Variants in SMOX observed in about 807,000 individuals in gnomAD.
The protein encoded by SMOX is spermine oxidase, also known as flavin containing amine oxidase.
Under a neutral mutation model 51.0 loss-of-function variants are expected in SMOX, and 22 were observed. The observed-to-expected ratio is 0.43, with a 90% CI of 0.31 to 0.62. SMOX has a LOEUF of 0.62. SMOX is among the 20% of genes least tolerant of loss of function. The pLI is 0.10. For missense variants in SMOX, 566 were observed against 777.7 expected, an observed-to-expected ratio of 0.73 and a Z score of 3.24; for synonymous variants, 282 against 307.8, an observed-to-expected ratio of 0.92 and a Z score of 0.88.
chr20:4,157,739 G>T (rs1986081889), intron 1 of SMOX, among the ~76,000 whole-genome samples: 1 of 152,006 alleles, frequency 6.6e-6, no homozygotes, highest in Non-Finnish European at 1.5e-5. Flanking sequence ...TCATGGACAT[G>T]AAGCTGGGGG....
intron 1 of SMOX, among the ~76,000 whole-genome samples, chr20:4,164,376 C>G (rs552574174): frequency 6.6e-6 from 1 of 152,192 alleles, no homozygotes; most frequent in Non-Finnish European, 1.5e-5. Flanking sequence ...GATAAGCCAT[C>G]TGCATGCGTT....
intron 1 of SMOX, among the ~76,000 whole-genome samples, chr20:4,173,700 C>T (rs564774384): frequency 6.6e-6 from 1 of 152,210 alleles, no homozygotes; most frequent in Non-Finnish European, 1.5e-5. Flanking sequence ...CACATTTGTT[C>T]CCTGTTAGAT....
rs892310187 is a variant in SMOX at position 4,166,527 on chromosome 20, C to G, written c.-26-8503C>G. On this transcript the variant is annotated intron_variant, in intron 1 of 6. Transcript: ENST00000305958. This position sits in a 1 kb window ranked among gnomAD's most constrained non-coding sequence, Gnocchi z 4.2. ...TGTGCCCTCCCAGCCTCTCTGGCTTCTTTCTGAGCTTTCTTCCCCTCCTCC... is the reference window on the plus strand; with the variant it reads ...TGTGCCCTCCCAGCCTCTCTGGCTTGTTTCTGAGCTTTCTTCCCCTCCTCC... Among the ~76,000 whole-genome samples the G allele has an allele frequency of 6.6e-6, 1 of 152,316 alleles. No individual in the cohort carries two copies. Among genetic ancestry groups the G allele is most frequent in the African/African-American group, 2.4e-5 (1 of 41,576 alleles).
Position 4,177,376 on chromosome 20 carries a change from C to G in SMOX, c.234C>G (p.Ala78=). The part of the protein sequence containing the change: ...KLGHATFELG[A]TWIHGSHGNP... ...GACACGCCACCTTTGAGCTGGGAGC[C>G]ACCTGGATCCATGGCTCCCATGGGA... Residue 78 remains alanine, a synonymous_variant, in exon 3 of 7, where the codon GCC becomes GCG. Transcript: ENST00000305958. The surrounding 1 kb of genome is among the most constrained non-coding windows in gnomAD (Gnocchi z 4.3). The G allele has an allele frequency of 6.4e-7, 1 of 1,553,132 alleles. No homozygotes were observed. The highest frequency in any genetic ancestry group is 8.7e-7 in the Non-Finnish European group (1 of 1,147,720).
Position 4,157,972 on chromosome 20 carries a change from C to T in SMOX, c.-27+8995C>T, listed in dbSNP as rs373633521. Reference sequence around the variant, plus strand: ...CTGGAGTGCAGCGGCGCGATCTCGGCTCACTGCAACCTCCGCCTCCCGGGT... The same window carrying T: ...CTGGAGTGCAGCGGCGCGATCTCGGTTCACTGCAACCTCCGCCTCCCGGGT... On this transcript the variant is annotated intron_variant, in intron 1 of 6. Transcript: ENST00000305958. 1.1e-3 allele frequency among the ~76,000 whole-genome samples: 166 copies of T among 152,178 alleles called. 3 individuals carry two copies. The East Asian group carries it at 0.029, about 27-fold the overall frequency.
rs1217629403 is a variant in SMOX at position 4,177,205 on chromosome 20, C to T, written c.209-146C>T. 8 of 696,048 alleles carry T rather than the reference C, an allele frequency of 1.1e-5. No homozygotes were observed. Among genetic ancestry groups the T allele is most frequent in the Middle Eastern group, 3.4e-4 (1 of 2,942 alleles). 43.1% of individuals were successfully genotyped at this position (696,048 alleles called of 1,614,324 possible). A position where few individuals can be genotyped will look rare whatever the true frequency, so the allele number is the denominator to read the frequency against. ...GTGGGAACTTTTCACTGAGGACCTTCGTTGGTTGCCAGCAGTGGAAGTTCA... is the reference window on the plus strand; with the variant it reads ...GTGGGAACTTTTCACTGAGGACCTTTGTTGGTTGCCAGCAGTGGAAGTTCA... On this transcript the variant is annotated intron_variant, in intron 2 of 6. Coordinates refer to ENST00000305958, the MANE Select transcript of SMOX (RefSeq NM_175839.3). This position sits in a 1 kb window ranked among gnomAD's most constrained non-coding sequence, Gnocchi z 4.3.
In SMOX at chr20:4,174,121, C is replaced by T. The variant is rs182742164; in HGVS notation, c.-26-909C>T. Among the ~76,000 whole-genome samples, 24 of 152,346 alleles carry T rather than the reference C, an allele frequency of 1.6e-4. No individual in the cohort carries two copies. In the East Asian group the frequency reaches 4.2e-3, roughly 27 times the overall value. The stretch of plus-strand genomic sequence containing the variant: ...CCCGGAATAGCAGGCTTGTTGGATG[C>T]AGGCCTCGTGGCACTTTCTTGGGGG... On this transcript the variant is annotated intron_variant, in intron 1 of 6. Coordinates refer to ENST00000305958, the MANE Select transcript of SMOX (RefSeq NM_175839.3).
intron 1 of SMOX, among the ~76,000 whole-genome samples, chr20:4,151,112 G>A (rs1378263833): frequency 6.6e-6 from 1 of 152,098 alleles, no homozygotes; most frequent in Non-Finnish European, 1.5e-5. Flanking sequence ...GATTACAGGC[G>A]TGAACCACTG....
Position 4,153,956 on chromosome 20 carries a change from G to C in SMOX, c.-27+4979G>C, listed in dbSNP as rs1057198057. Among the ~76,000 whole-genome samples the C allele has an allele frequency of 6.6e-6, 1 of 152,166 alleles. No homozygotes were observed. The highest frequency in any genetic ancestry group is 1.5e-5 in the Non-Finnish European group (1 of 68,034). On this transcript the variant is annotated intron_variant, in intron 1 of 6. Transcript: ENST00000305958. The surrounding 1 kb of genome is among the most constrained non-coding windows in gnomAD (Gnocchi z 4.4). ...CCCAGCCTGGTGTTCAGAGCCTTTG[G>C]GAACACAGGACACGGTTCCTGCTCT... is the stretch of plus-strand genomic sequence containing the variant.
At chr20:4,160,326 G>A (rs1362394099) in intron 1 of SMOX, among the ~76,000 whole-genome samples, 2 of 152,138 alleles carry the variant, frequency 1.3e-5, no homozygotes, top group Non-Finnish European at 2.9e-5. Flanking sequence ...ATATCAGTAT[G>A]TGGGGAGGAG....
At chr20:4,171,154 A>G (rs1368224212) in intron 1 of SMOX, among the ~76,000 whole-genome samples, 1 of 152,172 alleles carries the variant, frequency 6.6e-6, no homozygotes, top group Non-Finnish European at 1.5e-5. Flanking sequence ...TCTCCTGTGC[A>G]TACAGATCAA....
rs1979439087 is a variant in SMOX at position 4,182,755 on chromosome 20, G to A, written c.1276G>A (p.Gly426Ser). 3.7e-6 allele frequency: 6 copies of A among 1,614,136 alleles called. No homozygotes were observed. Among genetic ancestry groups the A allele is most frequent in the East Asian group, 2.2e-5 (1 of 44,880 alleles). Reference protein sequence around the residue: ...PPERYGHVLSGWICGEEALVM... With the variant: ...PPERYGHVLSSWICGEEALVM... ...TGAGCGCTACGGCCATGTGCTGAGCGGCTGGATCTGCGGGGAGGAGGCCCT... is the reference window on the plus strand; with the variant it reads ...TGAGCGCTACGGCCATGTGCTGAGCAGCTGGATCTGCGGGGAGGAGGCCCT... The change falls in exon 5 of 7, where the codon GGC (glycine) becomes AGC (serine). Residue 426 changes from glycine to serine, a missense_variant. Around this residue, in one of 3 missense-constraint regions of SMOX, gnomAD observed 347 missense variants for 481.8 expected, o/e 0.72. Transcript: ENST00000305958. This position sits in a 1 kb window ranked among gnomAD's most constrained non-coding sequence, Gnocchi z 8.4.
Position 4,183,414 on chromosome 20 carries a change from GGGTT to G in SMOX, c.1370-78_1370-75del, listed in dbSNP as rs1335295978. On this transcript the variant is annotated intron_variant, in intron 5 of 6. Coordinates refer to ENST00000305958, the MANE Select transcript of SMOX (RefSeq NM_175839.3). This position sits in a 1 kb window ranked among gnomAD's most constrained non-coding sequence, Gnocchi z 4.3. ...CCCGGAGCCCTGGAGGTGGGGTGGG[GGGTT>G]GTCCCTTTGGGGTCATCTTCCATAT... The G allele has an allele frequency of 1.2e-6, 2 of 1,605,046 alleles. No homozygotes were observed. The highest frequency in any genetic ancestry group is 1.3e-5 in the African/African-American group (1 of 74,706).
chr20:4,162,251 C>G (rs971444255), intron 1 of SMOX, among the ~76,000 whole-genome samples: 2 of 152,204 alleles, frequency 1.3e-5, no homozygotes, highest in Non-Finnish European at 2.9e-5. Context: ...TCCCCACTCC[C>G]GACTCCCAAC....
rs1179987872 is a variant in SMOX at position 4,172,659 on chromosome 20, T to C, written c.-26-2371T>C. Among the ~76,000 whole-genome samples, 1 of 151,954 alleles carries C rather than the reference T, an allele frequency of 6.6e-6. No individual in the cohort carries two copies. Among genetic ancestry groups the C allele is most frequent in the Admixed American group, 6.6e-5 (1 of 15,262 alleles). On this transcript the variant is annotated intron_variant, in intron 1 of 6. Transcript: ENST00000305958. This position sits in a 1 kb window ranked among gnomAD's most constrained non-coding sequence, Gnocchi z 7.7. ...TGTCTGGGAAGGGGAGCGGGAGCCCTTGCCTCCGAACTGGACGCTGCCCGG... is the reference window on the plus strand; with the variant it reads ...TGTCTGGGAAGGGGAGCGGGAGCCCCTGCCTCCGAACTGGACGCTGCCCGG...
intron 1 of SMOX, among the ~76,000 whole-genome samples, chr20:4,165,662 G>A (rs1986541473): frequency 6.6e-6 from 1 of 152,212 alleles, no homozygotes; most frequent in South Asian, 2.1e-4. Flanking sequence ...GGAGGCTGGT[G>A]AATAGGTTCA....
chr20:4,177,630 T>C lies in SMOX; in HGVS notation c.435+53T>C. On this transcript the variant is annotated intron_variant, in intron 3 of 6. Transcript: ENST00000305958. This position sits in a 1 kb window ranked among gnomAD's most constrained non-coding sequence, Gnocchi z 4.3. ...TAAGGGCATGGGGAGACCTGGGAGG[T>C]CTGTGATTCTGGTCGTGTCTCTGCA... 1 of 1,509,538 alleles carries C rather than the reference T, an allele frequency of 6.6e-7. No homozygotes were observed. The highest frequency in any genetic ancestry group is 9.0e-7 in the Non-Finnish European group (1 of 1,114,250). 93.5% of individuals were successfully genotyped at this position (1,509,538 alleles called of 1,614,324 possible).
chr20:4,176,020 T>G (rs1180575531), intron 2 of SMOX: 8 of 57,688 alleles, frequency 1.4e-4, no homozygotes, highest in Admixed American at 1.1e-3. Flanking sequence ...TCTAGAGGAG[T>G]TTTTTTTTTT....
At chr20:4,174,903 G>A (rs1259575972) in intron 1 of SMOX, 127 bp from the exon 2 acceptor site, 38 of 859,064 alleles carry the variant, frequency 4.4e-5, no homozygotes. Context: ...CAGAGAGGGA[G>A]GGAGAGGACT....
Sources: allele counts gnomAD v4.1 joint callset (sites outside exome capture counted in the v4.1 genomes callset), GRCh38; gene constraint gnomAD v4.1.1; regional missense constraint gnomAD v4.1.1; non-coding constraint Gnocchi (gnomAD v3.1); transcripts MANE v1.5; gene names NCBI Gene and HGNC (gene_info 2026-07-23, HGNC 2026-07-21).